The following TSHR variants were observed in gnomAD, a reference collection of about 807,000 sequenced individuals.
TSHR encodes thyroid stimulating hormone receptor.
TSHR carries 51 observed loss-of-function variants against 64.1 expected under a neutral mutation model. The ratio of observed to expected loss-of-function variants is 0.80; its 90% CI spans 0.64 to 1.01. The LOEUF is 1.01. Among genes scored for constraint, TSHR ranks in the 50% least tolerant of loss-of-function variants. TSHR has a pLI of 0.00. For synonymous variants in TSHR, 361 were observed against 361.9 expected, an observed-to-expected ratio of 1.00 and a Z score of 0.03; for missense variants, 877 against 942.8, an observed-to-expected ratio of 0.93 and a Z score of 0.91.
At chr14:81,122,753 C>T (rs896076317) in intron 8 of TSHR, among the ~76,000 whole-genome samples, 4 of 152,190 alleles carry the variant, frequency 2.6e-5, no homozygotes, top group African/African-American at 9.6e-5. Context: ...AGACACCAGA[C>T]TGCAGGGAAG....
chr14:81,139,613 G>A, intron 8 of TSHR, 66 bp from the exon 9 acceptor site: 1 of 1,562,268 alleles, frequency 6.4e-7, no homozygotes, highest in Non-Finnish European at 8.8e-7. Context: ...TTGAGTTTCT[G>A]GCCAAGGCTG....
At position 81,011,731 on chromosome 14, in the gene TSHR, T is replaced by C. The variant is rs535356314; in HGVS notation, c.171-50417T>C. Among the ~76,000 whole-genome samples the C allele has an allele frequency of 2.5e-4, 38 of 152,264 alleles. No individual in the cohort carries two copies. The East Asian group carries it at 5.8e-3, about 23-fold the overall frequency. On this transcript the variant is annotated intron_variant, in intron 1 of 9. Coordinates refer to ENST00000298171, the MANE Select transcript of TSHR (RefSeq NM_000369.5). Reference sequence around the variant, plus strand: ...AGTAACTACTAGGAAAAACTTTATTTTTCTGTTTTAATTACATTAAAAAGT... The same window carrying C: ...AGTAACTACTAGGAAAAACTTTATTCTTCTGTTTTAATTACATTAAAAAGT...
At chr14:81,092,344 T>G (rs1330121369) in intron 5 of TSHR, among the ~76,000 whole-genome samples, 187 bp from the exon 6 acceptor site, 1 of 152,166 alleles carries the variant, frequency 6.6e-6, no homozygotes, top group Non-Finnish European at 1.5e-5. Flanking sequence ...GCATGTCATC[T>G]AGGACAGCTC....
intron 8 of TSHR, among the ~76,000 whole-genome samples, chr14:81,132,053 C>T (rs545474464): frequency 5.9e-5 from 9 of 152,000 alleles, no homozygotes; most frequent in Admixed American, 3.9e-4. Flanking sequence ...AGCTCACTGT[C>T]TTGAATTTAT....
chr14:81,048,253 C>T (rs1885265426), intron 1 of TSHR, among the ~76,000 whole-genome samples: 1 of 152,042 alleles, frequency 6.6e-6, no homozygotes, highest in African/African-American at 2.4e-5. Context: ...CAGCTGAATT[C>T]AGTTTTTTCA....
At position 81,143,929 on chromosome 14, in the gene TSHR, A is replaced by G; in HGVS notation, c.1871A>G (p.Lys624Arg). 6.2e-7 allele frequency: 1 copy of G among 1,614,248 alleles called. No individual in the cohort carries two copies. The highest frequency in any genetic ancestry group is 8.5e-7 in the Non-Finnish European group (1 of 1,180,044). Residue 624 changes from lysine to arginine, a missense_variant, in exon 10 of 10, where the codon AAG becomes AGG. Coordinates refer to ENST00000298171, the MANE Select transcript of TSHR (RefSeq NM_000369.5). Reference sequence around the variant, plus strand: ...GGGGACAAAGATACCAAAATTGCCAAGAGGATGGCTGTGTTGATCTTCACC... The same window carrying G: ...GGGGACAAAGATACCAAAATTGCCAGGAGGATGGCTGTGTTGATCTTCACC... ...NPGDKDTKIA[K>R]RMAVLIFTDF...
At chr14:81,018,611 G>A (rs1186620582) in intron 1 of TSHR, among the ~76,000 whole-genome samples, 1 of 152,134 alleles carries the variant, frequency 6.6e-6, no homozygotes, top group African/African-American at 2.4e-5. Flanking sequence ...GGGAAGAAAA[G>A]GAAGATGTAA....
chr14:81,008,239 C>G (rs1889708521), intron 1 of TSHR, among the ~76,000 whole-genome samples: 1 of 148,874 alleles, frequency 6.7e-6, no homozygotes, highest in Non-Finnish European at 1.5e-5. Context: ...GTGGCATGAT[C>G]TCGGCTCACT....
intron 1 of TSHR, among the ~76,000 whole-genome samples, chr14:81,030,323 A>C (rs1244463872): frequency 2.6e-5 from 4 of 152,156 alleles, no homozygotes; most frequent in Non-Finnish European, 5.9e-5. Context: ...CTGATCCTTC[A>C]CTTAATTTCA....
chr14:81,031,542 T>C (rs1884347834), intron 1 of TSHR, among the ~76,000 whole-genome samples: 1 of 152,214 alleles, frequency 6.6e-6, no homozygotes, highest in Non-Finnish European at 1.5e-5. Flanking sequence ...TGCACTTTGG[T>C]ACTCTAGAAC....
At chr14:81,016,012 A>T (rs1388269360) in intron 1 of TSHR, among the ~76,000 whole-genome samples, 3 of 152,204 alleles carry the variant, frequency 2.0e-5, no homozygotes, top group African/African-American at 7.2e-5. Context: ...CTTAAAAAAA[A>T]TCCATTCATG....
chr14:81,125,710 C>A (rs1359107773), intron 8 of TSHR, among the ~76,000 whole-genome samples: 2 of 152,074 alleles, frequency 1.3e-5, no homozygotes, highest in Admixed American at 1.3e-4. Flanking sequence ...CCAGGGGAGG[C>A]TTGCATGCTA....
intron 8 of TSHR, among the ~76,000 whole-genome samples, chr14:81,112,589 G>A (rs1484012482): frequency 6.6e-6 from 1 of 152,114 alleles, no homozygotes; most frequent in Non-Finnish European, 1.5e-5. Flanking sequence ...CCAACAATCT[G>A]GTTAAACTCT....
chr14:81,139,217 C>T (rs539739267), intron 8 of TSHR, among the ~76,000 whole-genome samples: 1 of 152,140 alleles, frequency 6.6e-6, no homozygotes, highest in East Asian at 1.9e-4. Flanking sequence ...ATCAGATTTT[C>T]ATGATACTGA....
chr14:81,129,497 C>G (rs1891150500), intron 8 of TSHR, among the ~76,000 whole-genome samples: 1 of 152,180 alleles, frequency 6.6e-6, no homozygotes, highest in Non-Finnish European at 1.5e-5. Context: ...CTGAACATAG[C>G]AAGTGATTTC....
Position 81,114,819 on chromosome 14 carries a change from G to C in TSHR, c.692+6367G>C, listed in dbSNP as rs1175036301. 2.0e-5 allele frequency among the ~76,000 whole-genome samples: 3 copies of C among 152,220 alleles called. No homozygotes were observed. In the East Asian group the frequency reaches 5.8e-4, roughly 29 times the overall value. On this transcript the variant is annotated intron_variant, in intron 8 of 9. Transcript: ENST00000298171. ...AAGAGAGCCGTGGTTCTACCAGCAC[G>C]CAGCTGGAGATCTGAGAACAGGCAG... is the stretch of plus-strand genomic sequence containing the variant.
intron 1 of TSHR, among the ~76,000 whole-genome samples, chr14:81,060,823 G>A (rs372542665): frequency 1.8e-4 from 27 of 152,094 alleles, no homozygotes; most frequent in African/African-American, 6.3e-4. Flanking sequence ...CTGAGGCATT[G>A]TCTTTTTGCC....
In TSHR at chr14:81,004,225, T is replaced by C. The variant is rs73347973; in HGVS notation, c.170+48375T>C. 5.5e-3 allele frequency among the ~76,000 whole-genome samples: 833 copies of C among 152,306 alleles called. 8 individuals carry two copies. Among genetic ancestry groups the C allele is most frequent in the African/African-American group, 0.018 (758 of 41,574 alleles). Reference sequence around the variant, plus strand: ...CCCTCTCCCGACCCCGGTGGGTCAATAGATAGCACTTCAGAGGTTGTGTAC... The same window carrying C: ...CCCTCTCCCGACCCCGGTGGGTCAACAGATAGCACTTCAGAGGTTGTGTAC... On this transcript the variant is annotated intron_variant, in intron 1 of 9. Transcript: ENST00000298171.
At chr14:80,985,144 G>A (rs1266811204) in intron 1 of TSHR, among the ~76,000 whole-genome samples, 1 of 152,204 alleles carries the variant, frequency 6.6e-6, no homozygotes, top group Non-Finnish European at 1.5e-5. Context: ...CAGCTACTCA[G>A]GAGGCTGAGG....
Sources: allele counts gnomAD v4.1 joint callset (sites outside exome capture counted in the v4.1 genomes callset), GRCh38; gene constraint gnomAD v4.1.1; transcripts MANE v1.5; gene names NCBI Gene and HGNC (gene_info 2026-07-23, HGNC 2026-07-21).